BMPR1B: variants seen among roughly 807,000 people sequenced by gnomAD.
The protein encoded by BMPR1B is bone morphogenetic protein receptor type 1B.
BMPR1B carries 12 observed loss-of-function variants against 59.1 expected under a neutral mutation model. The ratio of observed to expected loss-of-function variants is 0.20; its 90% CI spans 0.13 to 0.33. The LOEUF is 0.33. Ranked by LOEUF, BMPR1B falls within the 10% of genes least tolerant of loss-of-function variation. BMPR1B has a pLI of 1.00. For missense variants in BMPR1B, 550 were observed against 610.9 expected (o/e 0.90, Z 1.05); for synonymous variants, 237 against 207.3 (o/e 1.14, Z -1.23).
At chr4:94,762,167 TTTTAC>T (rs1227384591) in intron 1 of BMPR1B, among the ~76,000 whole-genome samples, 29 of 152,180 alleles carry the variant, frequency 1.9e-4, no homozygotes, top group African/African-American at 6.5e-4. Context: ...TTACATTCAT[TTTTAC>T]TTAAATGTTT....
chr4:94,889,067 A>G (rs1727291967), intron 2 of BMPR1B, among the ~76,000 whole-genome samples: 1 of 151,988 alleles, frequency 6.6e-6, no homozygotes, highest in Non-Finnish European at 1.5e-5. Flanking sequence ...AGAACCAGAA[A>G]GAAATTTATA....
chr4:94,872,089 G>T (rs1340352566), intron 1 of BMPR1B, among the ~76,000 whole-genome samples: 1 of 152,170 alleles, frequency 6.6e-6, no homozygotes, highest in African/African-American at 2.4e-5. Context: ...GCTCTTGTGA[G>T]CGAGTGCCCA....
At chr4:94,798,891 T>C (rs1317129777) in intron 1 of BMPR1B, among the ~76,000 whole-genome samples, 2 of 151,906 alleles carry the variant, frequency 1.3e-5, no homozygotes, top group Non-Finnish European at 2.9e-5. Context: ...AGAATCTGTT[T>C]ACCTGTGTTG....
chr4:94,842,930 T>G (rs938671059), intron 1 of BMPR1B, among the ~76,000 whole-genome samples: 1 of 151,990 alleles, frequency 6.6e-6, no homozygotes. Flanking sequence ...CATGTATGTA[T>G]GTATGCATGT....
chr4:94,809,120 G>T (rs1224811309), intron 1 of BMPR1B, among the ~76,000 whole-genome samples: 1 of 152,122 alleles, frequency 6.6e-6, no homozygotes, highest in African/African-American at 2.4e-5. Context: ...TTATAAATGT[G>T]TTTGGTCACT....
At chr4:95,112,311 GCAA>G (rs1731686975) in intron 4 of BMPR1B, among the ~76,000 whole-genome samples, 1 of 151,950 alleles carries the variant, frequency 6.6e-6, no homozygotes, top group Non-Finnish European at 1.5e-5. Flanking sequence ...CTTAAACATG[GCAA>G]CCAGGCAGCA....
chr4:94,922,043 A>G (rs1241276599), intron 2 of BMPR1B, among the ~76,000 whole-genome samples: 2 of 152,078 alleles, frequency 1.3e-5, no homozygotes, highest in East Asian at 1.9e-4. Flanking sequence ...GCAGCAACAC[A>G]ATTACTGCAG....
intron 10 of BMPR1B, among the ~76,000 whole-genome samples, chr4:95,141,602 T>A (rs1353439746): frequency 1.3e-5 from 2 of 152,218 alleles, no homozygotes; most frequent in African/African-American, 4.8e-5. Flanking sequence ...ATCCAGGTGA[T>A]GTGCTGGCGG....
intron 1 of BMPR1B, among the ~76,000 whole-genome samples, chr4:94,856,008 A>G (rs1725740878): frequency 6.6e-6 from 1 of 152,200 alleles, no homozygotes; most frequent in East Asian, 1.9e-4. Context: ...GTTTTCTGCT[A>G]AAAGACCAGT....
intron 2 of BMPR1B, among the ~76,000 whole-genome samples, chr4:94,984,412 C>CA (rs1721275451): frequency 6.6e-6 from 1 of 152,134 alleles, no homozygotes; most frequent in Non-Finnish European, 1.5e-5. Context: ...GAAATTGTAG[C>CA]AGTCCTTGGG....
At chr4:95,084,490 A>G (rs575266978) in intron 3 of BMPR1B, among the ~76,000 whole-genome samples, 2 of 152,102 alleles carry the variant, frequency 1.3e-5, no homozygotes, top group South Asian at 4.2e-4. Flanking sequence ...CCTTTTCTCA[A>G]ATTTTGTTTT....
At chr4:94,846,043 A>G (rs1725311653) in intron 1 of BMPR1B, among the ~76,000 whole-genome samples, 1 of 152,232 alleles carries the variant, frequency 6.6e-6, no homozygotes, top group African/African-American at 2.4e-5. Context: ...GAGGAATCAC[A>G]TTACCTGACT....
chr4:94,826,163 A>G (rs1312784044), intron 1 of BMPR1B, among the ~76,000 whole-genome samples: 1 of 152,246 alleles, frequency 6.6e-6, no homozygotes, highest in African/African-American at 2.4e-5. Flanking sequence ...TTAGATTTTC[A>G]AAGATAATGT....
intron 2 of BMPR1B, among the ~76,000 whole-genome samples, chr4:94,986,244 T>C (rs1173329981): frequency 6.6e-6 from 1 of 152,220 alleles, no homozygotes; most frequent in Admixed American, 6.5e-5. Context: ...TTTATTCTTA[T>C]GTTTTCTACT....
chr4:95,017,355 C>T (rs1225889693), intron 3 of BMPR1B, among the ~76,000 whole-genome samples: 2 of 152,196 alleles, frequency 1.3e-5, no homozygotes, highest in Non-Finnish European at 2.9e-5. Context: ...ATCCCATAGC[C>T]ACTACCCTGT....
At chr4:94,991,601 C>T (rs751022616) in intron 2 of BMPR1B, among the ~76,000 whole-genome samples, 4 of 152,070 alleles carry the variant, frequency 2.6e-5, no homozygotes, top group Non-Finnish European at 5.9e-5. Context: ...AGAAGGATAC[C>T]AAGGGTAAAC....
chr4:94,941,726 G>C (rs1025675898), intron 2 of BMPR1B, among the ~76,000 whole-genome samples: 2 of 152,044 alleles, frequency 1.3e-5, no homozygotes, highest in Non-Finnish European at 2.9e-5. Context: ...GAATTGCTCT[G>C]TGTTTTCCAG....
Position 95,154,756 on chromosome 4 carries a change from C to T in BMPR1B, c.*83C>T. The T allele has an allele frequency of 6.4e-7, 1 of 1,572,042 alleles. No homozygotes were observed. The highest frequency in any genetic ancestry group is 8.7e-7 in the Non-Finnish European group (1 of 1,144,414). On this transcript the variant is annotated 3_prime_UTR_variant, in exon 13 of 13. Transcript: ENST00000515059. ...GGCAGAGCAAAAGACATCAAATAAG[C>T]ATCCACAGTACAAGCCTTGAACATC...
At chr4:94,808,614 A>T (rs1043705527) in intron 1 of BMPR1B, among the ~76,000 whole-genome samples, 3 of 152,232 alleles carry the variant, frequency 2.0e-5, no homozygotes, top group Non-Finnish European at 2.9e-5. Flanking sequence ...TATCTACATT[A>T]TGAGATTCCA....
Sources: gnomAD v4.1 joint callset for allele counts (sites outside exome capture counted in the v4.1 genomes callset) on GRCh38, gnomAD v4.1.1 for gene constraint, MANE v1.5 for transcripts, NCBI Gene and HGNC (gene_info 2026-07-23, HGNC 2026-07-21) for gene names.